CCM2: variants seen among roughly 807,000 people sequenced by gnomAD.
CCM2 encodes cerebral cavernous malformations 2 protein.
A neutral mutation model predicts 44.9 loss-of-function variants in CCM2; 25 were observed. The observed-to-expected ratio is 0.56, with a 90% CI of 0.41 to 0.78. The LOEUF (loss-of-function observed/expected upper bound fraction) is 0.78. Among genes scored for constraint, CCM2 ranks in the 30% least tolerant of loss-of-function variants. The pLI, the probability that CCM2 is intolerant of heterozygous loss-of-function variation, is 0.00. For missense variants in CCM2, 481 were observed against 580.6 expected (o/e 0.83, Z 1.76); for synonymous variants, 219 against 241.1 (o/e 0.91, Z 0.85).
chr7:45,028,218 T>G (rs1052993589), intron 1 of CCM2, among the ~76,000 whole-genome samples: 2 of 152,218 alleles, frequency 1.3e-5, no homozygotes, highest in Non-Finnish European at 2.9e-5. Context: ...CCACGAAGCC[T>G]GCAACACTAG....
At chr7:45,072,360 C>CA (rs1007872332) in intron 6 of CCM2, 4 of 391,164 alleles carry the variant, frequency 1.0e-5, no homozygotes, top group Non-Finnish European at 2.0e-5. Context: ...CAAGTGAAGA[C>CA]AGGGGTGATA....
At chr7:45,075,400 T>C (rs1799293276) in intron 9 of CCM2, among the ~76,000 whole-genome samples, 1 of 152,244 alleles carries the variant, frequency 6.6e-6, no homozygotes, top group Admixed American at 6.5e-5. Flanking sequence ...GCAGGTGGCT[T>C]TGAGCACTGC....
intron 1 of CCM2, among the ~76,000 whole-genome samples, chr7:45,022,706 G>A (rs1385193859): frequency 1.3e-5 from 2 of 151,812 alleles, no homozygotes; most frequent in Non-Finnish European, 2.9e-5. Context: ...AGTGGTTTTT[G>A]GTTACATGGG....
rs140689222 is a variant in CCM2 at position 45,076,015 on chromosome 7, C to T, written c.1293C>T (p.Asp431=). Residue 431 remains aspartate (D), a synonymous_variant, in exon 10 of 10, where the codon GAC becomes GAT. Transcript: ENST00000258781. ...WDRMISDISS[D]IEALGCSMDQ... Reference sequence around the variant, plus strand: ...GCATGATCTCGGACATCAGCAGCGACATTGAGGCGCTGGGCTGCAGCATGG... The same window carrying T: ...GCATGATCTCGGACATCAGCAGCGATATTGAGGCGCTGGGCTGCAGCATGG... The T allele has an allele frequency of 5.1e-5, 83 of 1,613,082 alleles. No homozygotes were observed. In the East Asian group the frequency reaches 1.6e-3, roughly 31 times the overall value.
chr7:45,025,534 CTTTTTTT>C (rs5883920), intron 1 of CCM2, among the ~76,000 whole-genome samples: 1 of 113,270 alleles, frequency 8.8e-6, no homozygotes, highest in Admixed American at 8.7e-5. Flanking sequence ...CTCTCTTTTT[CTTTTTTT>C]TTTTTTTTTG....
intron 1 of CCM2, chr7:45,029,532 G>C (rs1043790667): frequency 1.3e-5 from 2 of 152,088 alleles, no homozygotes; most frequent in Admixed American, 6.5e-5. Flanking sequence ...TATTTACTTT[G>C]GTCCCCAAGT....
intron 2 of CCM2, among the ~76,000 whole-genome samples, chr7:45,060,203 G>A (rs1482390127): frequency 6.6e-6 from 1 of 152,094 alleles, no homozygotes; most frequent in Non-Finnish European, 1.5e-5. Context: ...ACTTTTGAAG[G>A]ATAATTTCAC....
chr7:45,008,467 TTCTCCTG>T (rs957121074), intron 1 of CCM2, among the ~76,000 whole-genome samples: 65 of 150,642 alleles, frequency 4.3e-4, no homozygotes, highest in African/African-American at 1.6e-3. Flanking sequence ...GTTCAAGCGA[TTCTCCTG>T]CCTCAGCCTT....
intron 1 of CCM2, among the ~76,000 whole-genome samples, chr7:45,001,054 A>G (rs1795600203): frequency 6.6e-6 from 1 of 152,250 alleles, no homozygotes; most frequent in Non-Finnish European, 1.5e-5. Flanking sequence ...TAAATGCTTT[A>G]TAATCTTCAC....
At chr7:45,055,108 A>G (rs995079319) in intron 2 of CCM2, among the ~76,000 whole-genome samples, 6 of 152,368 alleles carry the variant, frequency 3.9e-5, no homozygotes, top group African/African-American at 1.4e-4. Flanking sequence ...CATCATGGCC[A>G]GATTTTGGAT....
At chr7:45,009,318 A>AG (rs570628010) in intron 1 of CCM2, among the ~76,000 whole-genome samples, 60,753 of 108,220 alleles carry the variant, frequency 0.56, 19,617 homozygotes, top group East Asian at 0.87. Flanking sequence ...AAAAAAAAAA[A>AG]AAAATTTTTG....
chr7:45,014,902 G>A (rs1583850243), intron 1 of CCM2, among the ~76,000 whole-genome samples: 1 of 152,016 alleles, frequency 6.6e-6, no homozygotes, highest in South Asian at 2.1e-4. Context: ...AATTTCAGGC[G>A]TGAGCCACCA....
intron 6 of CCM2, chr7:45,071,460 C>T (rs1488128585): frequency 4.0e-6 from 1 of 248,490 alleles, no homozygotes. Context: ...CACAGATGTG[C>T]ACACGTTACG....
chr7:45,051,656 G>A (rs958230747), intron 2 of CCM2, among the ~76,000 whole-genome samples: 1 of 152,160 alleles, frequency 6.6e-6, no homozygotes, highest in Non-Finnish European at 1.5e-5. Flanking sequence ...TGCCTCCCGG[G>A]TTCATGCCAT....
intron 1 of CCM2, among the ~76,000 whole-genome samples, chr7:45,036,379 T>A (rs887653199): frequency 6.6e-6 from 1 of 152,154 alleles, no homozygotes; most frequent in Non-Finnish European, 1.5e-5. Flanking sequence ...AGCTCAGCCT[T>A]GGCTGTCAGG....
At chr7:45,026,176 A>G (rs1796682832) in intron 1 of CCM2, among the ~76,000 whole-genome samples, 1 of 152,162 alleles carries the variant, frequency 6.6e-6, no homozygotes, top group African/African-American at 2.4e-5. Context: ...GCCTACCTGA[A>G]GGTCAGGGTC....
At chr7:45,059,515 C>G (rs774237735) in intron 2 of CCM2, among the ~76,000 whole-genome samples, 1 of 151,752 alleles carries the variant, frequency 6.6e-6, no homozygotes, top group Non-Finnish European at 1.5e-5. Context: ...AAGGCCGAGG[C>G]GGGCGGATTG....
chr7:45,068,321 T>C, intron 4 of CCM2, 122 bp from the exon 5 acceptor site: 1 of 1,283,018 alleles, frequency 7.8e-7, no homozygotes, highest in East Asian at 2.3e-5. Context: ...AGTCGTTCTG[T>C]GGGTGCCTGA....
chr7:45,032,365 A>G (rs541602360), intron 1 of CCM2, among the ~76,000 whole-genome samples: 130 of 152,174 alleles, frequency 8.5e-4, no homozygotes, highest in African/African-American at 2.9e-3. Flanking sequence ...GGCATGCCCT[A>G]TCTTTGGCGT....
Sources: allele counts gnomAD v4.1 joint callset (sites outside exome capture counted in the v4.1 genomes callset), GRCh38; gene constraint gnomAD v4.1.1; transcripts MANE v1.5; gene names NCBI Gene and HGNC (gene_info 2026-07-23, HGNC 2026-07-21).